The following KCNT2 variants were observed in gnomAD, a reference collection of about 807,000 sequenced individuals.
KCNT2 encodes potassium channel subfamily T member 2.
Under a neutral mutation model 153.8 loss-of-function variants are expected in KCNT2, and 67 were observed. That is an observed-to-expected ratio of 0.44 (90% CI 0.36 to 0.53). The LOEUF (loss-of-function observed/expected upper bound fraction) is 0.53. Ranked by LOEUF, KCNT2 falls within the 20% of genes least tolerant of loss-of-function variation. The probability of loss-of-function intolerance (pLI) is 0.00; values close to 1 mark genes in which losing one functional copy is unlikely to be tolerated. For missense variants in KCNT2, 975 were observed against 1,354.8 expected (o/e 0.72, Z 4.40); for synonymous variants, 500 against 458.8 (o/e 1.09, Z -1.15).
chr1:196,584,297 T>C (rs1315602708), intron 1 of KCNT2, among the ~76,000 whole-genome samples: 1 of 151,864 alleles, frequency 6.6e-6, no homozygotes, highest in Admixed American at 6.6e-5. Context: ...ATAAATAACA[T>C]ACGCCTCAAA....
At chr1:196,563,154 C>T (rs913286025) in intron 1 of KCNT2, among the ~76,000 whole-genome samples, 1 of 151,896 alleles carries the variant, frequency 6.6e-6, no homozygotes, top group Non-Finnish European at 1.5e-5. Flanking sequence ...TGCCAGTTGC[C>T]AGGAGAGGAA....
At chr1:196,293,128 A>T (rs998977675) in intron 22 of KCNT2, among the ~76,000 whole-genome samples, 3 of 152,190 alleles carry the variant, frequency 2.0e-5, no homozygotes, top group South Asian at 2.1e-4. Flanking sequence ...TAGATGACAC[A>T]AATAAATCTA....
intron 3 of KCNT2, among the ~76,000 whole-genome samples, chr1:196,483,508 C>A (rs1056620726): frequency 1.3e-5 from 2 of 152,144 alleles, no homozygotes; most frequent in East Asian, 1.9e-4. Context: ...TTTGCACTTC[C>A]GTTAGAATAA....
intron 1 of KCNT2, among the ~76,000 whole-genome samples, chr1:196,591,785 T>C (rs931602174): frequency 6.6e-6 from 1 of 152,162 alleles, no homozygotes; most frequent in African/African-American, 2.4e-5. Flanking sequence ...AATTTGAACA[T>C]AATTTGGGAT....
At chr1:196,472,400 G>C (rs1347188763) in intron 5 of KCNT2, among the ~76,000 whole-genome samples, 1 of 152,112 alleles carries the variant, frequency 6.6e-6, no homozygotes, top group Non-Finnish European at 1.5e-5. Flanking sequence ...TTTTCTGGAG[G>C]AAAGGATTCA....
At chr1:196,472,008 A>T (rs988380300) in intron 5 of KCNT2, among the ~76,000 whole-genome samples, 1 of 152,164 alleles carries the variant, frequency 6.6e-6, no homozygotes, top group Non-Finnish European at 1.5e-5. Flanking sequence ...ACTGAATTTT[A>T]TATCCATCTC....
chr1:196,517,081 T>C (rs1652668081), intron 1 of KCNT2, among the ~76,000 whole-genome samples: 1 of 152,108 alleles, frequency 6.6e-6, no homozygotes, highest in Non-Finnish European at 1.5e-5. Context: ...GCCTTCATGC[T>C]TGCTGTCTCC....
chr1:196,507,187 T>A (rs931683856), intron 1 of KCNT2, among the ~76,000 whole-genome samples: 5 of 152,142 alleles, frequency 3.3e-5, no homozygotes, highest in African/African-American at 1.2e-4. Context: ...GATGAAACCA[T>A]CTCAATACAA....
chr1:196,481,156 C>T (rs1678991041), intron 4 of KCNT2, among the ~76,000 whole-genome samples: 1 of 152,056 alleles, frequency 6.6e-6, no homozygotes, highest in Non-Finnish European at 1.5e-5. Context: ...AACACCCAGG[C>T]ATAGTAAAAA....
At chr1:196,569,103 C>T (rs1660468368) in intron 1 of KCNT2, among the ~76,000 whole-genome samples, 1 of 152,034 alleles carries the variant, frequency 6.6e-6, no homozygotes. Context: ...CTACTTTCTC[C>T]TACTTTTTCT....
At chr1:196,446,691 C>T (rs960153323) in intron 8 of KCNT2, among the ~76,000 whole-genome samples, 1 of 151,482 alleles carries the variant, frequency 6.6e-6, no homozygotes, top group African/African-American at 2.4e-5. Context: ...CCTACAAGTA[C>T]TTTGTTTATT....
chr1:196,567,562 A>C (rs527529164), intron 1 of KCNT2, among the ~76,000 whole-genome samples: 107 of 152,310 alleles, frequency 7.0e-4, no homozygotes, highest in Non-Finnish European at 1.2e-3. Flanking sequence ...CATATTATTC[A>C]TTATCTGGAA....
At chr1:196,514,246 T>C (rs1681873250) in intron 1 of KCNT2, among the ~76,000 whole-genome samples, 1 of 152,222 alleles carries the variant, frequency 6.6e-6, no homozygotes, top group Non-Finnish European at 1.5e-5. Flanking sequence ...AATTTTGCTA[T>C]ATAAAAGTTT....
chr1:196,379,136 G>C (rs1305598298), intron 13 of KCNT2, among the ~76,000 whole-genome samples: 2 of 151,996 alleles, frequency 1.3e-5, no homozygotes, highest in East Asian at 1.9e-4. Flanking sequence ...TTTTCTTCTT[G>C]TTGGTGAGAC....
chr1:196,258,639 A>T, intron 25 of KCNT2, 145 bp from the exon 26 acceptor site: 3 of 716,610 alleles, frequency 4.2e-6, no homozygotes, highest in Non-Finnish European at 7.2e-6. Flanking sequence ...CTTTGATTCT[A>T]ATTTTCCATT....
intron 13 of KCNT2, among the ~76,000 whole-genome samples, chr1:196,397,066 C>A (rs565990993): frequency 3.2e-4 from 48 of 151,352 alleles, no homozygotes; most frequent in African/African-American, 1.2e-3. Flanking sequence ...TTACTATTAA[C>A]CCTGATAAAA....
intron 25 of KCNT2, among the ~76,000 whole-genome samples, chr1:196,270,657 A>G (rs941994290): frequency 2.0e-5 from 3 of 152,078 alleles, no homozygotes; most frequent in Non-Finnish European, 4.4e-5. Context: ...AGTGCAATTT[A>G]TAATTTTCCA....
intron 14 of KCNT2, among the ~76,000 whole-genome samples, chr1:196,367,437 A>C (rs1381699536): frequency 6.6e-6 from 1 of 152,104 alleles, no homozygotes; most frequent in Non-Finnish European, 1.5e-5. Flanking sequence ...CGTTCGTATG[A>C]TATTTAATCT....
intron 8 of KCNT2, among the ~76,000 whole-genome samples, chr1:196,445,820 A>G (rs75498275): frequency 0.021 from 3,120 of 151,488 alleles, 103 homozygotes; most frequent in African/African-American, 0.071. Flanking sequence ...TGAGCATTCA[A>G]CTAACCTTTC....
Sources: gnomAD v4.1 joint callset for allele counts (sites outside exome capture counted in the v4.1 genomes callset) on GRCh38, gnomAD v4.1.1 for gene constraint, MANE v1.5 for transcripts, NCBI Gene and HGNC (gene_info 2026-07-23, HGNC 2026-07-21) for gene names.